Variants in GOLM2 observed in about 807,000 individuals in gnomAD.
GOLM2 encodes protein GOLM2.
In GOLM2, 26 loss-of-function variants were observed where a neutral mutation model predicts 55.9. That is an observed-to-expected ratio of 0.47 (90% CI 0.34 to 0.65). The LOEUF is 0.65. Ranked by LOEUF, GOLM2 falls within the 30% of genes least tolerant of loss-of-function variation. The probability of loss-of-function intolerance (pLI) is 0.01; values close to 1 mark genes in which losing one functional copy is unlikely to be tolerated. For missense variants in GOLM2, 486 were observed against 531.8 expected, an observed-to-expected ratio of 0.91 and a Z score of 0.85; for synonymous variants, 165 against 194.6, an observed-to-expected ratio of 0.85 and a Z score of 1.27.
At chr15:44,321,169 G>A (rs1194771028) in intron 1 of GOLM2, among the ~76,000 whole-genome samples, 3 of 151,910 alleles carry the variant, frequency 2.0e-5, no homozygotes, top group African/African-American at 7.3e-5. Flanking sequence ...GGGGTTGGGG[G>A]TGACTATAAC....
intron 8 of GOLM2, among the ~76,000 whole-genome samples, chr15:44,383,222 C>T (rs1198913966): frequency 1.3e-5 from 2 of 151,716 alleles, no homozygotes; most frequent in Admixed American, 1.3e-4. Context: ...TAGATCATTT[C>T]GTATTTTCTC....
At chr15:44,353,926 A>G (rs1231288994) in intron 6 of GOLM2, among the ~76,000 whole-genome samples, 2 of 152,134 alleles carry the variant, frequency 1.3e-5, no homozygotes, top group East Asian at 1.9e-4. Flanking sequence ...CACCTGAAAG[A>G]GTATAATTGG....
chr15:44,292,866 G>A (rs935516553), intron 1 of GOLM2, among the ~76,000 whole-genome samples: 16 of 152,252 alleles, frequency 1.1e-4, no homozygotes, highest in African/African-American at 3.1e-4. Flanking sequence ...CCAGGCTGGA[G>A]AGCAGTGGTG....
rs2079628711 is a variant in GOLM2, at chr15:44,410,256, G to T, written c.1241-3080G>T. On this transcript the variant is annotated intron_variant, in intron 9 of 9. Coordinates refer to ENST00000299957, the MANE Select transcript of GOLM2 (RefSeq NM_138423.4). ...GTTCGAGACCATCCTGGCTAACACG[G>T]TGAAACCCCGTCTCTACTAAAAAAA... Among the ~76,000 whole-genome samples, 9 of 152,184 alleles carry T rather than the reference G, an allele frequency of 5.9e-5. No homozygotes were observed. The South Asian group carries it at 1.9e-3, about 32-fold the overall frequency.
intron 6 of GOLM2, among the ~76,000 whole-genome samples, chr15:44,369,320 C>G (rs2079313644): frequency 6.7e-6 from 1 of 149,312 alleles, no homozygotes; most frequent in African/African-American, 2.5e-5. Context: ...GATTCTTCCT[C>G]AAAAATGCCT....
intron 6 of GOLM2, among the ~76,000 whole-genome samples, chr15:44,346,909 T>G (rs948950029): frequency 6.6e-6 from 1 of 152,084 alleles, no homozygotes; most frequent in Non-Finnish European, 1.5e-5. Context: ...GCAAGAGGAT[T>G]GCTTGAGGCC....
chr15:44,293,712 A>G (rs143376377), intron 1 of GOLM2, among the ~76,000 whole-genome samples: 5 of 152,290 alleles, frequency 3.3e-5, no homozygotes, highest in Non-Finnish European at 7.3e-5. Context: ...ATTTATCACT[A>G]CTTATGTTAA....
At chr15:44,403,697 A>G (rs1040840447) in intron 9 of GOLM2, among the ~76,000 whole-genome samples, 6 of 152,170 alleles carry the variant, frequency 3.9e-5, no homozygotes, top group Non-Finnish European at 7.4e-5. Context: ...TAGAAAATAC[A>G]CTTTTCCAAT....
chr15:44,346,279 A>C (rs2079124015), intron 6 of GOLM2: 1 of 151,958 alleles, frequency 6.6e-6, no homozygotes, highest in Admixed American at 6.6e-5. Flanking sequence ...GAGGCTTCGA[A>C]TGGTGGTTGC....
At chr15:44,298,327 G>A (rs2078772591) in intron 1 of GOLM2, among the ~76,000 whole-genome samples, 3 of 141,724 alleles carry the variant, frequency 2.1e-5, no homozygotes, top group Admixed American at 7.1e-5. Context: ...GCAATGGCGC[G>A]ATCTCAGCTT....
chr15:44,292,398 A>G (rs534299574), intron 1 of GOLM2, among the ~76,000 whole-genome samples: 1 of 152,026 alleles, frequency 6.6e-6, no homozygotes, highest in Non-Finnish European at 1.5e-5. Context: ...GGGTTTCACC[A>G]TGTTAGCCAA....
intron 9 of GOLM2, among the ~76,000 whole-genome samples, chr15:44,411,853 T>C (rs2079640699): frequency 6.7e-6 from 1 of 149,958 alleles, no homozygotes; most frequent in Non-Finnish European, 1.5e-5. Flanking sequence ...AAAAAATCCA[T>C]GTACTCCAAA....
chr15:44,293,310 A>G (rs1361512861), intron 1 of GOLM2, among the ~76,000 whole-genome samples: 1 of 152,196 alleles, frequency 6.6e-6, no homozygotes. Context: ...TATTATTAAC[A>G]TCTTAACATA....
At chr15:44,294,708 T>A (rs1162712233) in intron 1 of GOLM2, among the ~76,000 whole-genome samples, 2 of 124,116 alleles carry the variant, frequency 1.6e-5, no homozygotes, top group African/African-American at 6.3e-5. Flanking sequence ...CGAGACTCCA[T>A]CTCAAAAAAA....
chr15:44,375,946 T>C (rs749899627), intron 6 of GOLM2, among the ~76,000 whole-genome samples: 9 of 151,970 alleles, frequency 5.9e-5, no homozygotes, highest in Non-Finnish European at 1.0e-4. Flanking sequence ...TACAAAGATA[T>C]ATATGTTGGG....
chr15:44,297,175 G>T, intron 1 of GOLM2, among the ~76,000 whole-genome samples: 1 of 152,136 alleles, frequency 6.6e-6, no homozygotes, highest in East Asian at 1.9e-4. Context: ...TAAAAAAAAC[G>T]TCATTCTGAC....
intron 8 of GOLM2, among the ~76,000 whole-genome samples, chr15:44,399,451 A>C (rs1254156400): frequency 6.6e-6 from 1 of 152,156 alleles, no homozygotes; most frequent in Non-Finnish European, 1.5e-5. Flanking sequence ...GTCATTATTC[A>C]TTCTTGTTGA....
Position 44,328,766 on chromosome 15 carries a change from T to A in GOLM2, c.464T>A (p.Val155Glu), listed in dbSNP as rs901053526. 1 of 1,608,118 alleles carries A rather than the reference T, an allele frequency of 6.2e-7. No individual in the cohort carries two copies. The highest frequency in any genetic ancestry group is 1.3e-5 in the African/African-American group (1 of 74,686). ...QDYRKNNTYL[V>E]KRLEYESFQC... ...TATAGGAAGAACAATACTTACCTTG[T>A]GAAGAGGTTAGAATATGAAAGGTAA... Residue 155 changes from valine (V) to glutamate (E), a missense_variant, in exon 3 of 10, where the codon GTG (valine) becomes GAG (glutamate). By Grantham distance (121) the Val-to-Glu change is moderately radical. Transcript: ENST00000299957.
intron 8 of GOLM2, among the ~76,000 whole-genome samples, chr15:44,395,085 C>T (rs1595665733): frequency 2.6e-5 from 4 of 151,880 alleles, no homozygotes; most frequent in Admixed American, 2.6e-4. Flanking sequence ...TCTTGGCTCA[C>T]TGCAACCTCC....
Sources: gnomAD v4.1 joint callset for allele counts (sites outside exome capture counted in the v4.1 genomes callset) on GRCh38, gnomAD v4.1.1 for gene constraint, MANE v1.5 for transcripts, NCBI Gene and HGNC (gene_info 2026-07-23, HGNC 2026-07-21) for gene names.